The following HPCAL1 variants were observed in gnomAD, a reference collection of about 807,000 sequenced individuals.
HPCAL1 encodes the protein hippocalcin like 1, also known as hippocalcin-like protein 1.
A neutral mutation model predicts 17.1 loss-of-function variants in HPCAL1; 8 were observed. The observed-to-expected ratio is 0.47, with a 90% CI of 0.27 to 0.84. HPCAL1 has a LOEUF of 0.84. Ranked by LOEUF, HPCAL1 falls within the 40% of genes least tolerant of loss-of-function variation. The probability of loss-of-function intolerance (pLI) is 0.13; values close to 1 mark genes in which losing one functional copy is unlikely to be tolerated. For synonymous variants in HPCAL1, 112 were observed against 111.4 expected, an observed-to-expected ratio of 1.01 and a Z score of -0.03; for missense variants, 165 against 271.1, an observed-to-expected ratio of 0.61 and a Z score of 2.75.
intron 1 of HPCAL1, among the ~76,000 whole-genome samples, chr2:10,381,259 C>G (rs1002829656): frequency 1.2e-4 from 18 of 152,230 alleles, no homozygotes; most frequent in African/African-American, 4.3e-4. Flanking sequence ...AAAGATTCCA[C>G]AAGGATGTTA....
At chr2:10,403,868 A>T (rs1286464035) in intron 2 of HPCAL1, among the ~76,000 whole-genome samples, 1 of 152,030 alleles carries the variant, frequency 6.6e-6, no homozygotes, top group Admixed American at 6.5e-5. Context: ...TTTTTCAGGT[A>T]TTTTTTTGAC....
intron 1 of HPCAL1, among the ~76,000 whole-genome samples, chr2:10,306,073 ACACT>A (rs1436977038): frequency 6.6e-6 from 1 of 152,218 alleles, no homozygotes; most frequent in African/African-American, 2.4e-5. Context: ...GTAGAGTACC[ACACT>A]CACTCATGAA....
chr2:10,418,142 C>A (rs12473202), intron 2 of HPCAL1, among the ~76,000 whole-genome samples: 17,136 of 151,994 alleles, frequency 0.11, 2,244 homozygotes, highest in East Asian at 0.69. Context: ...ATGGGCTGGG[C>A]GTGGTGGCTT....
chr2:10,371,601 G>A (rs902268696), intron 1 of HPCAL1, among the ~76,000 whole-genome samples: 7 of 152,146 alleles, frequency 4.6e-5, no homozygotes, highest in African/African-American at 9.7e-5. Flanking sequence ...CTGTCTCCTC[G>A]ACGCCAGTCA....
intron 1 of HPCAL1, among the ~76,000 whole-genome samples, chr2:10,364,323 C>G (rs1666710905): frequency 6.6e-6 from 1 of 152,224 alleles, no homozygotes; most frequent in Admixed American, 6.5e-5. Context: ...GGCCAGAGCC[C>G]TGAGCACCGA....
intron 1 of HPCAL1, among the ~76,000 whole-genome samples, chr2:10,334,696 T>TTTTTTTTTTTTTTG (rs1664607025): frequency 7.9e-6 from 1 of 126,650 alleles, no homozygotes; most frequent in Non-Finnish European, 1.7e-5. Flanking sequence ...TTCCATTGAC[T>TTTTTTTTTTTTTTG]TTTTTTTGAG....
intron 1 of HPCAL1, among the ~76,000 whole-genome samples, chr2:10,345,175 C>T (rs1271607607): frequency 6.6e-6 from 1 of 152,034 alleles, no homozygotes; most frequent in African/African-American, 2.4e-5. Flanking sequence ...TTCAATCTCT[C>T]TATCTCTGTG....
intron 2 of HPCAL1, among the ~76,000 whole-genome samples, chr2:10,405,416 A>G (rs1669907096): frequency 1.3e-5 from 2 of 152,188 alleles, no homozygotes; most frequent in African/African-American, 2.4e-5. Flanking sequence ...CTGTCCCTCC[A>G]TGGCCCCTCC....
At position 10,359,563 on chromosome 2, in the gene HPCAL1, C is replaced by T. The variant is rs1666395176; in HGVS notation, c.-110-37272C>T. On this transcript the variant is annotated intron_variant, in intron 1 of 4. Transcript: ENST00000307845. The surrounding 1 kb of genome is among the most constrained non-coding windows in gnomAD (Gnocchi z 4.1). ...CTCGGGGACCCCACTTCCCAGGTGG[C>T]CTGGAGGATGAAGTCAGGGCTCTGG... Among the ~76,000 whole-genome samples the T allele has an allele frequency of 6.6e-6, 1 of 152,212 alleles. No homozygotes were observed. Among genetic ancestry groups the T allele is most frequent in the South Asian group, 2.1e-4 (1 of 4,838 alleles).
intron 1 of HPCAL1, among the ~76,000 whole-genome samples, chr2:10,376,472 C>T (rs1446137019): frequency 6.6e-6 from 1 of 150,912 alleles, no homozygotes; most frequent in Admixed American, 6.6e-5. Flanking sequence ...TTGGGTCTCA[C>T]TCACCCAAGC....
Position 10,394,676 on chromosome 2 carries a change from A to G in HPCAL1, c.-110-2159A>G, listed in dbSNP as rs996832825. Reference sequence around the variant, plus strand: ...TCAGTGCAGGTCCCTCAGTTGTAACAAATGGCCTGCTCTGGCAGGGGATGT... The same window carrying G: ...TCAGTGCAGGTCCCTCAGTTGTAACGAATGGCCTGCTCTGGCAGGGGATGT... On this transcript the variant is annotated intron_variant, in intron 1 of 4. Transcript: ENST00000307845. This position sits in a 1 kb window ranked among gnomAD's most constrained non-coding sequence, Gnocchi z 5.0. Among the ~76,000 whole-genome samples, 2 of 152,180 alleles carry G rather than the reference A, an allele frequency of 1.3e-5. No homozygotes were observed. The highest frequency in any genetic ancestry group is 4.8e-5 in the African/African-American group (2 of 41,430).
chr2:10,416,180 T>C (rs1670659756), intron 2 of HPCAL1, among the ~76,000 whole-genome samples: 1 of 152,188 alleles, frequency 6.6e-6, no homozygotes, highest in Non-Finnish European at 1.5e-5. Context: ...CCTTTGCAAA[T>C]AGGTCCTTGC....
chr2:10,363,417 G>A lies in HPCAL1; in HGVS notation c.-110-33418G>A, dbSNP rs1370432944. Among the ~76,000 whole-genome samples the A allele has an allele frequency of 1.3e-5, 2 of 152,166 alleles. No individual in the cohort carries two copies. Among genetic ancestry groups the A allele is most frequent in the East Asian group, 1.9e-4 (1 of 5,194 alleles). On this transcript the variant is annotated intron_variant, in intron 1 of 4. Coordinates refer to ENST00000307845, the MANE Select transcript of HPCAL1 (RefSeq NM_002149.4). This position sits in a 1 kb window ranked among gnomAD's most constrained non-coding sequence, Gnocchi z 4.7. ...TTCTGCTGCTCTGATAACTTGGATC[G>A]ACTGAAGAACCTCGGGGCTTTCTTG...
Position 10,394,371 on chromosome 2 carries a change from C to T in HPCAL1, c.-110-2464C>T, listed in dbSNP as rs1054409913. On this transcript the variant is annotated intron_variant, in intron 1 of 4. Transcript: ENST00000307845. The surrounding 1 kb of genome is among the most constrained non-coding windows in gnomAD (Gnocchi z 5.0). ...CTGGTTCCATTGCTGGGTTTCTCCT[C>T]GTGGAGAGCCCTTGACCCTGTCCAG... 1.1e-4 allele frequency among the ~76,000 whole-genome samples: 16 copies of T among 151,986 alleles called. No individual in the cohort carries two copies. The highest frequency in any genetic ancestry group is 3.4e-4 in the African/African-American group (14 of 41,368).
At chr2:10,386,604 G>C (rs1668326165) in intron 1 of HPCAL1, among the ~76,000 whole-genome samples, 1 of 152,140 alleles carries the variant, frequency 6.6e-6, no homozygotes, top group Non-Finnish European at 1.5e-5. Flanking sequence ...TCTTTAATCT[G>C]CCCACTGGGT....
At chr2:10,375,899 T>C (rs914026683) in intron 1 of HPCAL1, among the ~76,000 whole-genome samples, 1 of 152,222 alleles carries the variant, frequency 6.6e-6, no homozygotes, top group African/African-American at 2.4e-5. Context: ...GTAGCTGATG[T>C]GGTTTGGATG....
rs1665997018 is a variant in HPCAL1 at position 10,354,132 on chromosome 2, A to C, written c.-110-42703A>C. On this transcript the variant is annotated intron_variant, in intron 1 of 4. Coordinates refer to ENST00000307845, the MANE Select transcript of HPCAL1 (RefSeq NM_002149.4). The surrounding 1 kb of genome is among the most constrained non-coding windows in gnomAD (Gnocchi z 5.1). ...CACGGCGATGCATTCCAGCCGTCGA[A>C]TTATGTAGTTCTACTGCTTAATCCT... is the stretch of plus-strand genomic sequence containing the variant. 1 of 152,198 alleles carries C rather than the reference A, an allele frequency of 6.6e-6. No individual in the cohort carries two copies. The highest frequency in any genetic ancestry group is 2.1e-4 in the South Asian group (1 of 4,830). The allele number at this position is 152,198 out of a possible 1,614,324, so 9.4% of individuals were successfully genotyped here.
At chr2:10,399,057 G>A (rs1669250751) in intron 2 of HPCAL1, among the ~76,000 whole-genome samples, 1 of 151,838 alleles carries the variant, frequency 6.6e-6, no homozygotes, top group Non-Finnish European at 1.5e-5. Flanking sequence ...GAGGCGCCTG[G>A]CCCGGCAGGT....
chr2:10,348,872 C>G (rs1427299882), intron 1 of HPCAL1, among the ~76,000 whole-genome samples: 1 of 152,182 alleles, frequency 6.6e-6, no homozygotes, highest in Non-Finnish European at 1.5e-5. Flanking sequence ...GTCCAGCAGC[C>G]TGGCTTTCCA....
Sources: allele counts gnomAD v4.1 joint callset (sites outside exome capture counted in the v4.1 genomes callset), GRCh38; gene constraint gnomAD v4.1.1; non-coding constraint Gnocchi (gnomAD v3.1); transcripts MANE v1.5; gene names NCBI Gene and HGNC (gene_info 2026-07-23, HGNC 2026-07-21).